The following COMMD10 variants were observed in gnomAD, a reference collection of about 807,000 sequenced individuals.
The protein encoded by COMMD10 is COMM domain containing 10, also known as COMM domain-containing protein 10.
Under a neutral mutation model 28.9 loss-of-function variants are expected in COMMD10, and 33 were observed. That is an observed-to-expected ratio of 1.14 (90% CI 0.87 to 1.53). COMMD10 has a LOEUF of 1.53. Ranked by LOEUF, COMMD10 falls within the 40% of genes most tolerant of loss-of-function variation. The pLI is 0.00. For missense variants in COMMD10, 310 were observed against 233.4 expected, an observed-to-expected ratio of 1.33 and a Z score of -2.14; for synonymous variants, 110 against 81.7, an observed-to-expected ratio of 1.35 and a Z score of -1.87.
In COMMD10 at chr5:116,168,158, C is replaced by CAA. The variant is rs56193014; in HGVS notation, c.510+33995_510+33996dup. Among the ~76,000 whole-genome samples, 933 of 102,396 alleles carry CAA rather than the reference C, an allele frequency of 9.1e-3. 11 individuals carry two copies. Among genetic ancestry groups the CAA allele is most frequent in the African/African-American group, 0.023 (558 of 23,934 alleles). 67.2% of individuals were successfully genotyped at this position (102,396 alleles called of 152,430 possible). The stretch of plus-strand genomic sequence containing the variant: ...GAATATTTACAAAGAAAATGGAAAG[C>CAA]AAAAAAAAAAAAAAAAGGGATTGCA... On this transcript the variant is annotated intron_variant, in intron 5 of 6. Coordinates refer to ENST00000274458, the MANE Select transcript of COMMD10 (RefSeq NM_016144.4).
At chr5:116,275,458 C>G (rs771807168) in intron 5 of COMMD10, among the ~76,000 whole-genome samples, 1 of 151,710 alleles carries the variant, frequency 6.6e-6, no homozygotes, top group Non-Finnish European at 1.5e-5. Context: ...TCTCTGTGCC[C>G]TATACTTTGC....
intron 5 of COMMD10, among the ~76,000 whole-genome samples, chr5:116,182,745 T>G (rs1029252355): frequency 6.6e-6 from 1 of 152,094 alleles, no homozygotes; most frequent in African/African-American, 2.4e-5. Context: ...CAGAAAATAA[T>G]AAATACATGA....
intron 5 of COMMD10, among the ~76,000 whole-genome samples, chr5:116,278,275 T>C (rs1208592963): frequency 1.3e-5 from 2 of 151,850 alleles, no homozygotes; most frequent in African/African-American, 4.9e-5. Flanking sequence ...CAAATAATCA[T>C]ATTCAAAACC....
intron 4 of COMMD10, among the ~76,000 whole-genome samples, chr5:116,115,813 T>C (rs1751215419): frequency 6.6e-6 from 1 of 152,180 alleles, no homozygotes. Context: ...TTCTTTTATA[T>C]ATATTTTCTA....
At chr5:116,174,894 C>G (rs73255169) in intron 5 of COMMD10, among the ~76,000 whole-genome samples, 10,703 of 152,084 alleles carry the variant, frequency 0.07, 676 homozygotes, top group African/African-American at 0.17. Flanking sequence ...TAAATGTTTA[C>G]CAAAGTTTGA....
intron 5 of COMMD10, among the ~76,000 whole-genome samples, chr5:116,155,782 A>G (rs962961463): frequency 1.3e-5 from 2 of 152,102 alleles, no homozygotes; most frequent in African/African-American, 2.4e-5. Flanking sequence ...CTACTCTTGT[A>G]GGCTTTACTT....
At chr5:116,156,356 A>T (rs1401636597) in intron 5 of COMMD10, among the ~76,000 whole-genome samples, 1 of 152,180 alleles carries the variant, frequency 6.6e-6, no homozygotes, top group Non-Finnish European at 1.5e-5. Flanking sequence ...TTGGAACAAT[A>T]GTAGGTGCCT....
At chr5:116,252,841 G>T (rs76813326) in intron 5 of COMMD10, among the ~76,000 whole-genome samples, 157 of 112,412 alleles carry the variant, frequency 1.4e-3, no homozygotes, top group African/African-American at 1.5e-3. Flanking sequence ...GTGAAGAAAG[G>T]CATTGGTAGC....
chr5:116,187,879 G>A (rs1748194661), intron 5 of COMMD10, among the ~76,000 whole-genome samples: 1 of 151,910 alleles, frequency 6.6e-6, no homozygotes, highest in Non-Finnish European at 1.5e-5. Flanking sequence ...TTAAGTTATA[G>A]CCATGTGTCT....
intron 4 of COMMD10, among the ~76,000 whole-genome samples, chr5:116,108,809 C>A (rs139793360): frequency 3.9e-5 from 6 of 152,124 alleles, no homozygotes; most frequent in African/African-American, 1.4e-4. Context: ...GCTTGAAACC[C>A]AGGGCCTAGG....
intron 5 of COMMD10, among the ~76,000 whole-genome samples, chr5:116,261,464 C>T (rs752843443): frequency 6.6e-6 from 1 of 151,536 alleles, no homozygotes; most frequent in African/African-American, 2.4e-5. Context: ...GATGTGTATT[C>T]TTCTCATAAC....
intron 5 of COMMD10, among the ~76,000 whole-genome samples, chr5:116,176,090 C>G (rs4921068): frequency 0.31 from 47,083 of 151,886 alleles, 10,207 homozygotes; most frequent in African/African-American, 0.62. Context: ...TCACATTCAC[C>G]TTGTTGGCTT....
At chr5:116,154,655 G>A (rs947576082) in intron 5 of COMMD10, among the ~76,000 whole-genome samples, 1 of 151,994 alleles carries the variant, frequency 6.6e-6, no homozygotes, top group Non-Finnish European at 1.5e-5. Flanking sequence ...GCCCAAAGTC[G>A]TATACATAGG....
chr5:116,254,905 G>T (rs954137011), intron 5 of COMMD10, among the ~76,000 whole-genome samples: 3 of 151,344 alleles, frequency 2.0e-5, no homozygotes, highest in Non-Finnish European at 4.4e-5. Context: ...GGGTGTTAAA[G>T]TCTCCCATTA....
chr5:116,117,907 A>C (rs530933202), intron 4 of COMMD10, among the ~76,000 whole-genome samples: 1 of 152,244 alleles, frequency 6.6e-6, no homozygotes, highest in South Asian at 2.1e-4. Context: ...TCCAAAAGTG[A>C]TTTTTTAAAA....
intron 4 of COMMD10, among the ~76,000 whole-genome samples, chr5:116,104,729 C>T (rs550902900): frequency 1.3e-5 from 2 of 152,106 alleles, no homozygotes; most frequent in Admixed American, 6.5e-5. Context: ...ATGCCATTCT[C>T]CTGCCTCAGC....
At chr5:116,190,998 G>A (rs893971311) in intron 5 of COMMD10, among the ~76,000 whole-genome samples, 1 of 152,132 alleles carries the variant, frequency 6.6e-6, no homozygotes. Context: ...TTTACACCCT[G>A]TTGCCTTACA....
At chr5:116,258,868 A>G (rs1734892317) in intron 5 of COMMD10, among the ~76,000 whole-genome samples, 1 of 151,424 alleles carries the variant, frequency 6.6e-6, no homozygotes, top group Middle Eastern at 3.4e-3. Context: ...AGCTAAGGGA[A>G]ATTTTCTTCT....
At chr5:116,162,674 G>T (rs1203726457) in intron 5 of COMMD10, among the ~76,000 whole-genome samples, 1 of 152,122 alleles carries the variant, frequency 6.6e-6, no homozygotes, top group Non-Finnish European at 1.5e-5. Flanking sequence ...ACTATAATTA[G>T]CAACAAAGGT....
Sources: allele counts gnomAD v4.1 joint callset (sites outside exome capture counted in the v4.1 genomes callset), GRCh38; gene constraint gnomAD v4.1.1; transcripts MANE v1.5; gene names NCBI Gene and HGNC (gene_info 2026-07-23, HGNC 2026-07-21).